The following PAQR3 variants were observed in gnomAD, a reference collection of about 807,000 sequenced individuals.
PAQR3 encodes the protein Raf kinase trapping to Golgi.
Under a neutral mutation model 41.7 loss-of-function variants are expected in PAQR3, and 39 were observed. That is an observed-to-expected ratio of 0.93 (90% confidence interval 0.72 to 1.22). The LOEUF (loss-of-function observed/expected upper bound fraction) is 1.22. PAQR3 is among the 50% of genes most tolerant of loss of function. The pLI is 0.00. For synonymous variants in PAQR3, 140 were observed against 140.6 expected (o/e 1.00, Z 0.03); for missense variants, 366 against 385.6 (o/e 0.95, Z 0.42).
intron 11 of PAQR3, among the ~76,000 whole-genome samples, chr4:78,891,158 A>G (rs2110080275): frequency 6.6e-6 from 1 of 152,310 alleles, no homozygotes; most frequent in Non-Finnish European, 1.5e-5. Context: ...TGTGAGTTTT[A>G]AGAGGCACTG....
At chr4:78,903,956 GATAT>G (rs1428037987) in intron 11 of PAQR3, among the ~76,000 whole-genome samples, 1 of 151,904 alleles carries the variant, frequency 6.6e-6, no homozygotes, top group Non-Finnish European at 1.5e-5. Flanking sequence ...TTATGGCTTT[GATAT>G]ATAGTCTTAA....
At chr4:78,887,332 G>C in intron 12 of PAQR3, 1 of 1,319,952 alleles carries the variant, frequency 7.6e-7, no homozygotes, top group Non-Finnish European at 1.1e-6. Flanking sequence ...AAACACACAA[G>C]AACAACAGCA....
chr4:78,928,036 G>A (rs923227543), intron 3 of PAQR3, among the ~76,000 whole-genome samples: 1 of 152,148 alleles, frequency 6.6e-6, no homozygotes, highest in African/African-American at 2.4e-5. Flanking sequence ...ATTTTTCAAC[G>A]ATCATGGACT....
At chr4:78,892,180 T>C (rs1733475687) in intron 11 of PAQR3, among the ~76,000 whole-genome samples, 2 of 152,194 alleles carry the variant, frequency 1.3e-5, no homozygotes. Context: ...TTCCTAAATA[T>C]TTAGAATTCA....
chr4:78,911,588 C>T, downstream of PAQR3: 1 of 1,614,036 alleles, frequency 6.2e-7, no homozygotes, highest in Non-Finnish European at 8.5e-7. Context: ...ACCTATCGCA[C>T]TCCAGAGAGG....
At chr4:78,911,623 C>A (rs780522133), downstream of PAQR3, 1 of 1,613,936 alleles carries the variant, frequency 6.2e-7, no homozygotes, top group Non-Finnish European at 8.5e-7. Flanking sequence ...AAAAGTGGGC[C>A]GCCGAGACTC....
rs575953837 is a variant in PAQR3, at chr4:78,921,573, C to T, written c.794-892G>A. 1.4e-4 allele frequency: 105 copies of T among 774,128 alleles called. No individual in the cohort carries two copies. The South Asian group carries it at 5.0e-3, about 36-fold the overall frequency. 48.0% of individuals were successfully genotyped at this position (774,128 alleles called of 1,614,324 possible). A position where few individuals can be genotyped will look rare whatever the true frequency, so the allele number is the denominator to read the frequency against. ...TTAAAAAACAAAACACAGAGGATTA[C>T]AACAAATATTGATTATCTAATACAA... On this transcript the variant is annotated intron_variant, in intron 5 of 5. Coordinates refer to ENST00000512733, the MANE Select transcript of PAQR3 (RefSeq NM_001040202.2).
chr4:78,927,594 T>A (rs1736371953), intron 3 of PAQR3, among the ~76,000 whole-genome samples: 2 of 152,256 alleles, frequency 1.3e-5, no homozygotes, highest in African/African-American at 4.8e-5. Flanking sequence ...GCCTGACTGT[T>A]TTTGGCCTGA....
At chr4:78,938,445 T>G (rs1242895326) in intron 1 of PAQR3, among the ~76,000 whole-genome samples, 1 of 152,174 alleles carries the variant, frequency 6.6e-6, no homozygotes, top group African/African-American at 2.4e-5. Flanking sequence ...ACCACAGTAC[T>G]TTTCCTACAC....
chr4:78,930,455 T>C, intron 2 of PAQR3, 130 bp from the exon 3 acceptor site: 1 of 912,408 alleles, frequency 1.1e-6, no homozygotes, highest in Non-Finnish European at 1.6e-6. Flanking sequence ...TCTAGCTCTG[T>C]GCCTTACATG....
Position 78,926,001 on chromosome 4 carries a change from T to C in PAQR3, c.702+520A>G, listed in dbSNP as rs540644866. ...TCCCTGGCTCCAGCTACCAATACAA[T>C]GATGATTTCCAAATCTTTATTGCCA... On this transcript the variant is annotated intron_variant, in intron 4 of 5. Coordinates refer to ENST00000512733, the MANE Select transcript of PAQR3 (RefSeq NM_001040202.2). Among the ~76,000 whole-genome samples, 11 of 152,266 alleles carry C rather than the reference T, an allele frequency of 7.2e-5. No individual in the cohort carries two copies. The South Asian group carries it at 2.3e-3, about 32-fold the overall frequency.
In PAQR3 at chr4:78,917,948, A is replaced by T. The variant is rs1560567642; in HGVS notation, c.*2591T>A. The T allele has an allele frequency of 3.0e-6, 3 of 984,330 alleles. No homozygotes were observed. The highest frequency in any genetic ancestry group is 3.5e-5 in the African/African-American group (2 of 57,208). The allele number at this position is 984,330 out of a possible 1,614,324, so 61.0% of individuals were successfully genotyped here. A position where few individuals can be genotyped will look rare whatever the true frequency, so the allele number is the denominator to read the frequency against. On this transcript the variant is annotated 3_prime_UTR_variant, in exon 6 of 6. Transcript: ENST00000512733. ...CAAGCAGCAGTTAAAAATATTTAGTAAACCCAGTTTATTTACATAATACAT... is the reference window on the plus strand; with the variant it reads ...CAAGCAGCAGTTAAAAATATTTAGTTAACCCAGTTTATTTACATAATACAT...
chr4:78,930,351 A>T (rs1345874819), intron 2 of PAQR3, 26 bp from the exon 3 acceptor site: 1 of 1,583,640 alleles, frequency 6.3e-7, no homozygotes, highest in Non-Finnish European at 8.6e-7. Context: ...ACAAATTAAC[A>T]AAGTGACTAA....
At chr4:78,922,583 C>CT (rs1356448245) in intron 5 of PAQR3, among the ~76,000 whole-genome samples, 1 of 151,928 alleles carries the variant, frequency 6.6e-6, no homozygotes. Flanking sequence ...TTGTCTCTTA[C>CT]TAAACCACAT....
intron 1 of PAQR3, among the ~76,000 whole-genome samples, chr4:78,936,649 T>C (rs1737454890): frequency 6.6e-6 from 1 of 152,218 alleles, no homozygotes; most frequent in South Asian, 2.1e-4. Context: ...GCATCAAGTG[T>C]AAAGACTACT....
intron 11 of PAQR3, among the ~76,000 whole-genome samples, chr4:78,901,012 A>G (rs1177793650): frequency 1.3e-5 from 2 of 152,128 alleles, no homozygotes; most frequent in Non-Finnish European, 1.5e-5. Context: ...GTTCTATCAC[A>G]GATTAACCAT....
chr4:78,906,073 T>C (rs1734268601), intron 11 of PAQR3: 1 of 152,098 alleles, frequency 6.6e-6, no homozygotes, highest in Non-Finnish European at 1.5e-5. Context: ...GATGAATAGA[T>C]GATTAAGTAG....
chr4:78,890,427 C>CAT (rs57797998), intron 11 of PAQR3, among the ~76,000 whole-genome samples: 1 of 151,108 alleles, frequency 6.6e-6, no homozygotes, highest in East Asian at 1.9e-4. Flanking sequence ...CACACACACA[C>CAT]GTGTCCTGTC....
Position 78,911,990 on chromosome 4 carries a change from A to T in PAQR3, c.*8549T>A, listed in dbSNP as rs757314015. 1 of 1,613,726 alleles carries T rather than the reference A, an allele frequency of 6.2e-7. No individual in the cohort carries two copies. Among genetic ancestry groups the T allele is most frequent in the Non-Finnish European group, 8.5e-7 (1 of 1,179,720 alleles). Reference sequence around the variant, plus strand: ...CAGTCCCAACAGTCCCAACCAGTCGAATTAGACCCATTTGGTGCTGCTCCA... The same window carrying T: ...CAGTCCCAACAGTCCCAACCAGTCGTATTAGACCCATTTGGTGCTGCTCCA... On this transcript the variant is annotated 3_prime_UTR_variant, in exon 6 of 6. Transcript: ENST00000512733.
Sources: allele counts gnomAD v4.1 joint callset (sites outside exome capture counted in the v4.1 genomes callset), GRCh38; gene constraint gnomAD v4.1.1; transcripts MANE v1.5; gene names NCBI Gene and HGNC (gene_info 2026-07-23, HGNC 2026-07-21).